The following ZNF620 variants were observed in gnomAD, a reference collection of about 807,000 sequenced individuals.
ZNF620 encodes the protein zinc finger protein 620.
In ZNF620, 10 loss-of-function variants were observed where a neutral mutation model predicts 13.3. That is an observed-to-expected ratio of 0.75 (90% CI 0.46 to 1.28). ZNF620 has a LOEUF of 1.28. Ranked by LOEUF, ZNF620 falls within the 50% of genes most tolerant of loss-of-function variation. The pLI is 0.00. For synonymous variants in ZNF620, 166 were observed against 177.6 expected, an observed-to-expected ratio of 0.93 and a Z score of 0.52; for missense variants, 461 against 500.2, an observed-to-expected ratio of 0.92 and a Z score of 0.75.
chr3:40,512,953 A>G (rs957111333), intron 4 of ZNF620, among the ~76,000 whole-genome samples: 47 of 152,204 alleles, frequency 3.1e-4, no homozygotes, highest in African/African-American at 1.1e-3. Context: ...GCACTGACTT[A>G]AAGAATAAAA....
At chr3:40,515,638 C>T (rs536572605) in intron 4 of ZNF620, among the ~76,000 whole-genome samples, 1 of 152,276 alleles carries the variant, frequency 6.6e-6, no homozygotes, top group East Asian at 1.9e-4. Flanking sequence ...GCTTCCCTCC[C>T]GTCTCATAGA....
chr3:40,506,617 A>G (rs1023237655), intron 2 of ZNF620, among the ~76,000 whole-genome samples: 2 of 152,138 alleles, frequency 1.3e-5, no homozygotes, highest in South Asian at 4.1e-4. Context: ...AAATGTGGAA[A>G]TCTGCATTAT....
intron 4 of ZNF620, among the ~76,000 whole-genome samples, chr3:40,514,867 G>A (rs918243395): frequency 6.6e-6 from 1 of 152,290 alleles, no homozygotes; most frequent in South Asian, 2.1e-4. Flanking sequence ...GTGCTCTTCT[G>A]CAGAGAATGC....
Position 40,516,450 on chromosome 3 carries a change from G to A in ZNF620, c.856G>A (p.Gly286Ser), listed in dbSNP as rs185588965. 48 of 1,614,062 alleles carry A rather than the reference G, an allele frequency of 3.0e-5. No individual in the cohort carries two copies. The East Asian group carries it at 3.8e-4, about 13-fold the overall frequency. The change falls in exon 5 of 5, where the codon GGC becomes AGC. Residue 286 changes from glycine to serine, a missense_variant. Coordinates refer to ENST00000314529, the MANE Select transcript of ZNF620 (RefSeq NM_175888.4). ...GEKPYECKECGKAFSSSSVFL... is the reference protein window; with the variant it reads ...GEKPYECKECSKAFSSSSVFL... ...AAAGCCCTATGAATGTAAGGAGTGC[G>A]GCAAGGCCTTCAGTAGCAGCTCTGT... is the stretch of plus-strand genomic sequence containing the variant.
At chr3:40,514,261 C>T (rs1698304436) in intron 4 of ZNF620, among the ~76,000 whole-genome samples, 1 of 152,192 alleles carries the variant, frequency 6.6e-6, no homozygotes, top group South Asian at 2.1e-4. Context: ...TGTCCCCTCT[C>T]TCTCTCCGCC....
intron 4 of ZNF620, 27 bp downstream of exon 4, chr3:40,512,542 T>G: frequency 3.9e-6 from 6 of 1,525,434 alleles, no homozygotes; most frequent in Non-Finnish European, 5.3e-6. Flanking sequence ...ACTAGCTGCC[T>G]TTTTGGCTTG....
chr3:40,513,302 TA>T (rs1212657603), intron 4 of ZNF620, among the ~76,000 whole-genome samples: 7 of 37,990 alleles, frequency 1.8e-4, no homozygotes, highest in African/African-American at 4.2e-4. Context: ...CCGTCTCAAC[TA>T]AAAAAAAAAA....
Position 40,515,966 on chromosome 3 carries a change from C to G in ZNF620, c.372C>G (p.Ser124=), listed in dbSNP as rs755365013. ...TGGGGGGCCTGCCAGGGAATGTTTC[C>G]CAGCACCTTGACTTTGGGAGCAGCC... The part of the protein sequence containing the change: ...LMVGGLPGNV[S]QHLDFGSSLE... Residue 124 remains serine (S), a synonymous_variant, in exon 5 of 5, where the codon TCC becomes TCG. Transcript: ENST00000314529. 5 of 1,614,122 alleles carry G rather than the reference C, an allele frequency of 3.1e-6. No homozygotes were observed. In the South Asian group the frequency reaches 5.5e-5, roughly 18 times the overall value.
chr3:40,513,080 T>C (rs1698247921), intron 4 of ZNF620, among the ~76,000 whole-genome samples: 1 of 151,876 alleles, frequency 6.6e-6, no homozygotes, highest in Non-Finnish European at 1.5e-5. Context: ...ATTTCATCTT[T>C]CCCCCACAGA....
Position 40,516,265 on chromosome 3 carries a change from T to C in ZNF620, c.671T>C (p.Phe224Ser), listed in dbSNP as rs1352021664. 2 of 1,614,156 alleles carry C rather than the reference T, an allele frequency of 1.2e-6. No homozygotes were observed. Among genetic ancestry groups the C allele is most frequent in the Non-Finnish European group, 1.7e-6 (2 of 1,180,048 alleles). The change falls in exon 5 of 5, where the codon TTT becomes TCT. Residue 224 changes from phenylalanine (F) to serine (S), a missense_variant. Transcript: ENST00000314529. ...AAATGTCACACTGGTGAAAAGTCTT[T>C]TGAATGCAAAGAATGTGGAAAATAC... is the stretch of plus-strand genomic sequence containing the variant. ...HEKCHTGEKS[F>S]ECKECGKYFR... is the part of the protein sequence containing the mutation.
intron 2 of ZNF620, chr3:40,508,922 A>G (rs1698115094): frequency 2.8e-6 from 1 of 357,472 alleles, no homozygotes; most frequent in Non-Finnish European, 5.5e-6. Context: ...CTGGCCTTAC[A>G]GTTTTCTTTG....
intron 3 of ZNF620, 79 bp downstream of exon 3, chr3:40,511,675 T>A: frequency 1.3e-6 from 2 of 1,532,938 alleles, no homozygotes; most frequent in Non-Finnish European, 1.7e-6. Flanking sequence ...TTGTGGGGTT[T>A]TTTTCTTTTT....
At chr3:40,508,700 C>CA (rs1320082153) in intron 2 of ZNF620, 1 of 455,020 alleles carries the variant, frequency 2.2e-6, no homozygotes, top group South Asian at 1.6e-5. Flanking sequence ...GTGGTGCAAT[C>CA]ACAGCTCACT....
At position 40,506,286 on chromosome 3, in the gene ZNF620, T is replaced by G; in HGVS notation, c.-49-18T>G. The G allele has an allele frequency of 3.7e-6, 6 of 1,607,336 alleles. No homozygotes were observed. The Admixed American group carries it at 5.0e-5, about 13-fold the overall frequency. ...AGGCAGCATCAATCTCACCGGTGCT[T>G]CTTTATTTTCTCTTCAGTTTCACTT... On this transcript the variant is annotated intron_variant, in intron 1 of 4. Coordinates refer to ENST00000314529, the MANE Select transcript of ZNF620 (RefSeq NM_175888.4).
intron 4 of ZNF620, 74 bp from the exon 5 acceptor site, chr3:40,515,780 TTGTGTG>T (rs10550548): frequency 0.024 from 21,986 of 934,090 alleles, 71 homozygotes; most frequent in African/African-American, 0.036. Flanking sequence ...AGCACAGATA[TTGTGTG>T]TGTGTGTGTG....
intron 2 of ZNF620, among the ~76,000 whole-genome samples, chr3:40,506,954 TTTTTGTTTTG>T (rs895083815): frequency 1.3e-5 from 2 of 152,128 alleles, no homozygotes; most frequent in Admixed American, 6.5e-5. Context: ...GTTTCTTGCT[TTTTTGTTTTG>T]TTTTGTTTTG....
At chr3:40,511,995 G>A (rs193248872) in intron 3 of ZNF620, among the ~76,000 whole-genome samples, 1 of 152,220 alleles carries the variant, frequency 6.6e-6, no homozygotes, top group African/African-American at 2.4e-5. Flanking sequence ...GAACTTTGTG[G>A]GGTTTCTAAT....
chr3:40,506,485 C>T (rs1476489554), intron 2 of ZNF620, 109 bp downstream of exon 2: 11 of 1,213,780 alleles, frequency 9.1e-6, no homozygotes, highest in South Asian at 9.0e-5. Context: ...TTCCATTGTG[C>T]ATCTGTCACT....
intron 4 of ZNF620, among the ~76,000 whole-genome samples, chr3:40,515,256 T>C (rs976569485): frequency 2.0e-5 from 3 of 152,168 alleles, no homozygotes; most frequent in Admixed American, 6.5e-5. Context: ...AACCTTCCTT[T>C]CTCCTGGATG....
Sources: allele counts gnomAD v4.1 joint callset (sites outside exome capture counted in the v4.1 genomes callset), GRCh38; gene constraint gnomAD v4.1.1; transcripts MANE v1.5; gene names NCBI Gene and HGNC (gene_info 2026-07-23, HGNC 2026-07-21).